Variants in OSBPL11 observed in about 807,000 individuals in gnomAD.
The protein encoded by OSBPL11 is oxysterol binding protein like 11.
Under a neutral mutation model 84.4 loss-of-function variants are expected in OSBPL11, and 33 were observed. The ratio of observed to expected loss-of-function variants is 0.39; its 90% confidence interval spans 0.30 to 0.52. The LOEUF (loss-of-function observed/expected upper bound fraction) is 0.52. Ranked by LOEUF, OSBPL11 falls within the 20% of genes least tolerant of loss-of-function variation. The probability of loss-of-function intolerance (pLI) is 0.72; values close to 1 mark genes in which losing one functional copy is unlikely to be tolerated. For missense variants in OSBPL11, 736 were observed against 901.1 expected (o/e 0.82, Z 2.35); for synonymous variants, 276 against 310.2 (o/e 0.89, Z 1.16).
At chr3:125,577,003 C>T (rs1192018452) in intron 4 of OSBPL11, among the ~76,000 whole-genome samples, 1 of 152,032 alleles carries the variant, frequency 6.6e-6, no homozygotes, top group East Asian at 1.9e-4. Flanking sequence ...ATGATTAACA[C>T]AGAAAATGCA....
intron 3 of OSBPL11, among the ~76,000 whole-genome samples, chr3:125,579,440 T>C (rs1936387445): frequency 6.6e-6 from 1 of 152,222 alleles, no homozygotes; most frequent in Non-Finnish European, 1.5e-5. Context: ...TCTACACAAA[T>C]TAAATTTATC....
rs911972243 is a variant in OSBPL11 at position 125,595,039 on chromosome 3, C to G, written c.-239G>C. 9.2e-6 allele frequency: 4 copies of G among 433,530 alleles called. No homozygotes were observed. The highest frequency in any genetic ancestry group is 1.7e-5 in the Non-Finnish European group (4 of 240,650). The allele number at this position is 433,530 out of a possible 1,614,324, so 26.9% of individuals were successfully genotyped here. ...AGATATCCTTCACATGTATCTCTCT[C>G]CTTTCCGGCAAAAGCAAGGAGGAAA... On this transcript the variant is annotated 5_prime_UTR_variant, in exon 1 of 13. Coordinates refer to ENST00000296220, the MANE Select transcript of OSBPL11 (RefSeq NM_022776.5).
chr3:125,535,001 G>GA (rs973274649), intron 11 of OSBPL11, among the ~76,000 whole-genome samples: 1 of 108,094 alleles, frequency 9.3e-6, no homozygotes, highest in Admixed American at 8.8e-5. Context: ...AATGTAAGGA[G>GA]AAAAAAAGAG....
chr3:125,530,502 T>C lies in OSBPL11; in HGVS notation c.*13A>G. ...AGAAGAACCTCATTTGGTCGAGTTT[T>C]AGATAGTATGTGTCACTCTGCTGGT... On this transcript the variant is annotated 3_prime_UTR_variant, in exon 13 of 13. Transcript: ENST00000296220. The C allele has an allele frequency of 6.2e-7, 1 of 1,612,134 alleles. No homozygotes were observed. Among genetic ancestry groups the C allele is most frequent in the South Asian group, 1.1e-5 (1 of 91,002 alleles).
At chr3:125,560,295 TA>T in intron 8 of OSBPL11, 83 bp downstream of exon 8, 1 of 1,206,608 alleles carries the variant, frequency 8.3e-7, no homozygotes, top group Non-Finnish European at 1.1e-6. Context: ...AAAAAGTAAA[TA>T]AATAAAAAGT....
At chr3:125,549,532 A>ACGACATG (rs1458332554) in intron 9 of OSBPL11, among the ~76,000 whole-genome samples, 8 of 152,202 alleles carry the variant, frequency 5.3e-5, no homozygotes, top group African/African-American at 1.9e-4. Flanking sequence ...TGCAGGCTGG[A>ACGACATG]GTACAGTGGC....
At chr3:125,539,317 A>ATATG (rs1323243762) in intron 10 of OSBPL11, among the ~76,000 whole-genome samples, 1 of 117,448 alleles carries the variant, frequency 8.5e-6, no homozygotes, top group African/African-American at 4.1e-5. Flanking sequence ...ATATATATAT[A>ATATG]TATATATATA....
rs547691844 is a variant in OSBPL11 at position 125,531,165 on chromosome 3, G to A, written c.2179-585C>T. Among the ~76,000 whole-genome samples the A allele has an allele frequency of 6.6e-4, 100 of 151,580 alleles. 2 individuals carry two copies. In the South Asian group the frequency reaches 0.021, roughly 31 times the overall value. ...GGCTAATTTTTGTATTTTTAGTAGA[G>A]ATGGGGGTTTCACCATGTTGGCCAG... On this transcript the variant is annotated intron_variant, in intron 12 of 12. Transcript: ENST00000296220.
chr3:125,584,502 C>T (rs1461878063), intron 1 of OSBPL11, among the ~76,000 whole-genome samples: 1 of 152,186 alleles, frequency 6.6e-6, no homozygotes, highest in Admixed American at 6.5e-5. Flanking sequence ...TAAATATTTT[C>T]TCAAAGTGCC....
At chr3:125,551,195 A>T (rs1279935432) in intron 9 of OSBPL11, among the ~76,000 whole-genome samples, 1 of 148,210 alleles carries the variant, frequency 6.7e-6, no homozygotes, top group African/African-American at 2.5e-5. Flanking sequence ...ATTAAATTAA[A>T]TTAAATTAAA....
At chr3:125,565,760 G>A (rs1250443357) in intron 6 of OSBPL11, among the ~76,000 whole-genome samples, 10 of 151,920 alleles carry the variant, frequency 6.6e-5, no homozygotes, top group Non-Finnish European at 1.3e-4. Flanking sequence ...ATGAATTCAC[G>A]TTCACAACTC....
At position 125,563,699 on chromosome 3, in the gene OSBPL11, C is replaced by T; in HGVS notation, c.1013G>A (p.Arg338Lys). 2 of 1,613,946 alleles carry T rather than the reference C, an allele frequency of 1.2e-6. No individual in the cohort carries two copies. The highest frequency in any genetic ancestry group is 1.1e-5 in the South Asian group (1 of 91,026). Reference protein sequence around the residue: ...QPVAESGLLAREPEEINADDE... With the variant: ...QPVAESGLLAKEPEEINADDE... ...AATCATATTTTTATATTACCTTACCCTCGCTAATAGTCCAGATTCTGCAAC... is the reference window on the plus strand; with the variant it reads ...AATCATATTTTTATATTACCTTACCTTCGCTAATAGTCCAGATTCTGCAAC... Residue 338 changes from arginine to lysine, a missense_variant and splice_region_variant, in exon 7 of 13, where the codon AGG becomes AAG. Arg to Lys is a conservative substitution (Grantham distance 26, BLOSUM62 2). Coordinates refer to ENST00000296220, the MANE Select transcript of OSBPL11 (RefSeq NM_022776.5).
At chr3:125,588,891 A>T (rs1019842072) in intron 1 of OSBPL11, among the ~76,000 whole-genome samples, 1 of 152,204 alleles carries the variant, frequency 6.6e-6, no homozygotes, top group African/African-American at 2.4e-5. Context: ...CAGACTGTAT[A>T]CTCAAAATCG....
At chr3:125,585,766 A>T (rs1458714849) in intron 1 of OSBPL11, among the ~76,000 whole-genome samples, 1 of 152,212 alleles carries the variant, frequency 6.6e-6, no homozygotes, top group Non-Finnish European at 1.5e-5. Flanking sequence ...GTATCCCAAG[A>T]AATAGCCACT....
chr3:125,569,888 A>G (rs545293584), intron 5 of OSBPL11, among the ~76,000 whole-genome samples: 1 of 152,240 alleles, frequency 6.6e-6, no homozygotes, highest in Admixed American at 6.5e-5. Flanking sequence ...TATGGTGTTC[A>G]GGATAGTGAG....
intron 6 of OSBPL11, among the ~76,000 whole-genome samples, chr3:125,566,323 A>G (rs1276011909): frequency 6.6e-6 from 1 of 151,982 alleles, no homozygotes; most frequent in African/African-American, 2.4e-5. Flanking sequence ...ATTATTTTAT[A>G]CTTATTATTT....
intron 10 of OSBPL11, among the ~76,000 whole-genome samples, chr3:125,546,184 T>C (rs1182686299): frequency 1.3e-5 from 2 of 150,406 alleles, no homozygotes; most frequent in Non-Finnish European, 3.0e-5. Flanking sequence ...TGTGTTTTTT[T>C]TTTTTTTGAG....
chr3:125,547,450 G>A lies in OSBPL11; in HGVS notation c.1797C>T (p.Ser599=), dbSNP rs753742364. The A allele has an allele frequency of 1.1e-5, 18 of 1,613,948 alleles. No homozygotes were observed. The highest frequency in any genetic ancestry group is 1.5e-5 in the Non-Finnish European group (18 of 1,180,010). The part of the protein sequence containing the change: ...VNCAKTGYSA[S]ITFHTKPFYG... ...AAAATGGCTTGGTATGAAAAGTGAT[G>A]CTGGCTGAATATCCAGTTTTTGCAC... is the stretch of plus-strand genomic sequence containing the variant. The change falls in exon 10 of 13, where the codon AGC becomes AGT. Residue 599 remains serine, a synonymous_variant. Coordinates refer to ENST00000296220, the MANE Select transcript of OSBPL11 (RefSeq NM_022776.5).
chr3:125,551,325 A>G (rs1009995374), intron 9 of OSBPL11, among the ~76,000 whole-genome samples: 3 of 151,504 alleles, frequency 2.0e-5, no homozygotes, highest in African/African-American at 7.3e-5. Context: ...TATATATATT[A>G]TTAATTCTAA....
Sources: gnomAD v4.1 joint callset for allele counts (sites outside exome capture counted in the v4.1 genomes callset) on GRCh38, gnomAD v4.1.1 for gene constraint, MANE v1.5 for transcripts, NCBI Gene and HGNC (gene_info 2026-07-23, HGNC 2026-07-21) for gene names.